Variants in COL18A1 observed in about 807,000 individuals in gnomAD.
The protein encoded by COL18A1 is collagen type XVIII alpha 1 chain.
In COL18A1, 133 loss-of-function variants were observed where a neutral mutation model predicts 168.0. The ratio of observed to expected loss-of-function variants is 0.79; its 90% CI spans 0.69 to 0.91. The LOEUF (loss-of-function observed/expected upper bound fraction) is 0.91. Ranked by LOEUF, COL18A1 falls within the 40% of genes least tolerant of loss-of-function variation. The probability of loss-of-function intolerance (pLI) is 0.00; values close to 1 mark genes in which losing one functional copy is unlikely to be tolerated. For missense variants in COL18A1, 2,126 were observed against 1,925.4 expected (o/e 1.10, Z -1.95); for synonymous variants, 949 against 809.0 (o/e 1.17, Z -2.94).
intron 2 of COL18A1, among the ~76,000 whole-genome samples, chr21:45,466,280 T>G (rs771167489): frequency 6.6e-6 from 1 of 152,188 alleles, no homozygotes; most frequent in Non-Finnish European, 1.5e-5. Context: ...CTGGCTGCAC[T>G]GTCTGTCCTG....
At chr21:45,422,098 C>A (rs553849455) in intron 2 of COL18A1, among the ~76,000 whole-genome samples, 1 of 152,174 alleles carries the variant, frequency 6.6e-6, no homozygotes, top group South Asian at 2.1e-4. Context: ...CACAAGCTCT[C>A]ACACACACAC....
rs776822575 is a variant in COL18A1 at position 45,422,628 on chromosome 21, C to T, written c.106+17155C>T. 4 of 370,876 alleles carry T rather than the reference C, an allele frequency of 1.1e-5. No homozygotes were observed. The East Asian group carries it at 2.5e-4, about 23-fold the overall frequency. 23.0% of individuals were successfully genotyped at this position (370,876 alleles called of 1,614,324 possible). ...GGGTGGCACGGGCTCTCCCAGCCGTCGGTTGGTGAAAAACGGGGCCTCCGC... is the reference window on the plus strand; with the variant it reads ...GGGTGGCACGGGCTCTCCCAGCCGTTGGTTGGTGAAAAACGGGGCCTCCGC... On this transcript the variant is annotated intron_variant, in intron 2 of 41. Coordinates refer to ENST00000651438, the MANE Select transcript of COL18A1 (RefSeq NM_001379500.1).
chr21:45,432,018 G>C (rs957127568), intron 2 of COL18A1, among the ~76,000 whole-genome samples: 1 of 152,204 alleles, frequency 6.6e-6, no homozygotes, highest in East Asian at 1.9e-4. Flanking sequence ...AGCCCATGGA[G>C]ACCCTCCCAC....
chr21:45,475,328 G>C, intron 4 of COL18A1, 148 bp from the exon 5 acceptor site: 1 of 734,718 alleles, frequency 1.4e-6, no homozygotes, highest in Admixed American at 2.2e-5. Flanking sequence ...CACCCCAGCG[G>C]CCCCCCGGAG....
In COL18A1 at chr21:45,509,920, C is replaced by T. The variant is rs1234758065; in HGVS notation, c.3496-144C>T. ...CGTATGGGGGCTGCTGCCTGGGCCC[C>T]TCAGTGTGTCACTTGCGCGCCTCCC... is the stretch of plus-strand genomic sequence containing the variant. On this transcript the variant is annotated intron_variant, in intron 39 of 41. Transcript: ENST00000651438. The T allele has an allele frequency of 2.5e-5, 24 of 955,760 alleles. No homozygotes were observed. In the East Asian group the frequency reaches 4.8e-4, roughly 19 times the overall value. 59.2% of individuals were successfully genotyped at this position (955,760 alleles called of 1,614,324 possible). A position where few individuals can be genotyped will look rare whatever the true frequency, so the allele number is the denominator to read the frequency against.
rs1044710513 is a variant in COL18A1, at chr21:45,482,424, A to G, written c.1675-371A>G. On this transcript the variant is annotated intron_variant, in intron 14 of 41. Transcript: ENST00000651438. ...GGCCCCCTGGGGAGCGGTCTCCAGC[A>G]TGACCTCAGATGAGAGCTGCACTGC... 1.0e-5 allele frequency: 6 copies of G among 576,420 alleles called. No individual in the cohort carries two copies. In the Middle Eastern group the frequency reaches 8.7e-4, roughly 83 times the overall value. 35.7% of individuals were successfully genotyped at this position (576,420 alleles called of 1,614,324 possible). A position where few individuals can be genotyped will look rare whatever the true frequency, so the allele number is the denominator to read the frequency against.
chr21:45,456,789 G>A, intron 2 of COL18A1: 1 of 1,541,498 alleles, frequency 6.5e-7, no homozygotes, highest in Non-Finnish European at 8.7e-7. Flanking sequence ...GATGCGTGTT[G>A]GAGCCGCCTG....
chr21:45,451,836 C>T (rs1055452702), intron 2 of COL18A1, among the ~76,000 whole-genome samples: 9 of 152,206 alleles, frequency 5.9e-5, no homozygotes, highest in African/African-American at 9.7e-5. Flanking sequence ...TCTGCTCCAT[C>T]GGGATCCATG....
In COL18A1 at chr21:45,405,362, G is replaced by C. The variant is rs2123483394; in HGVS notation, c.12-17G>C. On this transcript the variant is annotated splice_polypyrimidine_tract_variant and intron_variant, in intron 1 of 41. Coordinates refer to ENST00000651438, the MANE Select transcript of COL18A1 (RefSeq NM_001379500.1). The stretch of plus-strand genomic sequence containing the variant: ...GCGGGGGTCCTGCGGGGTCTGACCC[G>C]TGCCTGTCCCGCGCAGGTGCCCCTG... The C allele has an allele frequency of 9.3e-7, 1 of 1,074,096 alleles. No individual in the cohort carries two copies. The allele number at this position is 1,074,096 out of a possible 1,614,324, so 66.5% of individuals were successfully genotyped here.
chr21:45,478,094 G>A, intron 8 of COL18A1, 129 bp downstream of exon 8: 3 of 738,212 alleles, frequency 4.1e-6, no homozygotes, highest in South Asian at 1.6e-5. Context: ...GCCTCCTTAG[G>A]CCCACCGTTG....
At position 45,437,738 on chromosome 21, in the gene COL18A1, ACT is replaced by A. The variant is rs746304903; in HGVS notation, c.107-30502_107-30501del. Reference sequence around the variant, plus strand: ...CACAGGCACTCTCCTGCACACACACACTCACACACTCAGACACAGGCACTCTC... The same window carrying A: ...CACAGGCACTCTCCTGCACACACACACACACACTCAGACACAGGCACTCTC... On this transcript the variant is annotated intron_variant, in intron 2 of 41. Transcript: ENST00000651438. 3.0e-3 allele frequency among the ~76,000 whole-genome samples: 177 copies of A among 58,820 alleles called. 24 individuals carry two copies. The highest frequency in any genetic ancestry group is 0.019 in the Middle Eastern group (2 of 104). The allele number at this position is 58,820 out of a possible 152,430, so 38.6% of individuals were successfully genotyped here. A position where few individuals can be genotyped will look rare whatever the true frequency, so the allele number is the denominator to read the frequency against.
intron 37 of COL18A1, chr21:45,506,932 C>T (rs936064412): frequency 4.3e-6 from 1 of 233,926 alleles, no homozygotes. Context: ...AGTCTCATAG[C>T]AGATGCTGAG....
At position 45,492,632 on chromosome 21, in the gene COL18A1, G is replaced by A. The variant is rs965966960; in HGVS notation, c.2188-55G>A. On this transcript the variant is annotated intron_variant, in intron 23 of 41. Coordinates refer to ENST00000651438, the MANE Select transcript of COL18A1 (RefSeq NM_001379500.1). ...CTGGGTACAAGGCTGGGTGGGGTCC[G>A]GGCAGGCGCGAGGGTGCGTGATGAC... is the stretch of plus-strand genomic sequence containing the variant. 3.6e-5 allele frequency: 58 copies of A among 1,610,364 alleles called. 1 individual carries two copies. The highest frequency in any genetic ancestry group is 2.7e-4 in the South Asian group (25 of 91,008).
At chr21:45,496,302 G>C in intron 29 of COL18A1, 198 bp from the exon 30 acceptor site, 1 of 714,118 alleles carries the variant, frequency 1.4e-6, no homozygotes, top group Non-Finnish European at 2.6e-6. Context: ...ACTCCAGCGT[G>C]GGATGAGGTG....
At position 45,512,415 on chromosome 21, in the gene COL18A1, G is replaced by T; in HGVS notation, c.*17G>T. ...TCCAAGTAGCCACCGCCTGGATGCG[G>T]ATGGCCGGAGAGGACCGGCGGCTCG... On this transcript the variant is annotated 3_prime_UTR_variant, in exon 42 of 42. Coordinates refer to ENST00000651438, the MANE Select transcript of COL18A1 (RefSeq NM_001379500.1). 6.2e-7 allele frequency: 1 copy of T among 1,609,540 alleles called. No homozygotes were observed.
intron 2 of COL18A1, among the ~76,000 whole-genome samples, chr21:45,432,260 G>A (rs1335852825): frequency 9.2e-5 from 14 of 152,228 alleles, no homozygotes; most frequent in African/African-American, 1.4e-4. Context: ...CTGGGCTGGC[G>A]GAGGTGGCCT....
intron 2 of COL18A1, among the ~76,000 whole-genome samples, chr21:45,440,406 C>T (rs2034336357): frequency 6.6e-6 from 1 of 152,214 alleles, no homozygotes; most frequent in Non-Finnish European, 1.5e-5. Flanking sequence ...GGGTGGGCTC[C>T]TCAGGCCCTG....
intron 41 of COL18A1, 137 bp from the exon 42 acceptor site, chr21:45,512,051 C>T: frequency 1.1e-6 from 1 of 919,480 alleles, no homozygotes; most frequent in South Asian, 1.4e-5. Flanking sequence ...ATGTGGCCCT[C>T]CAGGTTGTGG....
chr21:45,483,913 C>T (rs2035984624), intron 15 of COL18A1, among the ~76,000 whole-genome samples: 1 of 150,294 alleles, frequency 6.7e-6, no homozygotes. Context: ...ACACACACCT[C>T]TCCAGCATAT....
Sources: allele counts gnomAD v4.1 joint callset (sites outside exome capture counted in the v4.1 genomes callset), GRCh38; gene constraint gnomAD v4.1.1; transcripts MANE v1.5; gene names NCBI Gene and HGNC (gene_info 2026-07-23, HGNC 2026-07-21).